Variants in ADARB2 observed in about 807,000 individuals in gnomAD.
ADARB2 encodes inactive double-stranded RNA-specific editase B2.
In ADARB2, 25 loss-of-function variants were observed where a neutral mutation model predicts 62.2. The observed-to-expected ratio is 0.40, with a 90% CI of 0.29 to 0.56. ADARB2 has a LOEUF of 0.56. ADARB2 is among the 20% of genes least tolerant of loss of function. The probability of loss-of-function intolerance (pLI) is 0.43; values close to 1 mark genes in which losing one functional copy is unlikely to be tolerated. For missense variants in ADARB2, 1,071 were observed against 1,077.4 expected (o/e 0.99, Z 0.08); for synonymous variants, 572 against 500.8 (o/e 1.14, Z -1.90).
At chr10:1,292,971 GGAGGGAAGGAGA>G (rs1239371803) in intron 3 of ADARB2, 1 of 17,356 alleles carries the variant, frequency 5.8e-5, no homozygotes, top group African/African-American at 1.1e-4. Flanking sequence ...AGAGGGAGAG[GGAGGGAAGGAGA>G]GAGAGAGGGA....
intron 7 of ADARB2, among the ~76,000 whole-genome samples, chr10:1,212,273 A>G (rs772229073): frequency 6.6e-6 from 1 of 152,254 alleles, no homozygotes; most frequent in Non-Finnish European, 1.5e-5. Context: ...GTCTCTCTGT[A>G]CAAATAATGC....
At chr10:1,304,529 T>C (rs1259284780) in intron 3 of ADARB2, among the ~76,000 whole-genome samples, 1 of 152,194 alleles carries the variant, frequency 6.6e-6, no homozygotes, top group African/African-American at 2.4e-5. Flanking sequence ...GCAGACCTAA[T>C]AGACATCTAC....
chr10:1,191,928 G>C (rs566881677), intron 8 of ADARB2, among the ~76,000 whole-genome samples: 2 of 151,516 alleles, frequency 1.3e-5, no homozygotes, highest in Non-Finnish European at 2.9e-5. Flanking sequence ...ACTCCTACCA[G>C]CACTGCTTCA....
intron 3 of ADARB2, among the ~76,000 whole-genome samples, chr10:1,351,358 G>A (rs569341354): frequency 6.6e-6 from 1 of 152,018 alleles, no homozygotes; most frequent in South Asian, 2.1e-4. Flanking sequence ...CTTTTCAAAG[G>A]CCTGTTTCCC....
At chr10:1,488,673 A>C (rs896667361) in intron 1 of ADARB2, among the ~76,000 whole-genome samples, 7 of 152,184 alleles carry the variant, frequency 4.6e-5, no homozygotes, top group Admixed American at 3.9e-4. Flanking sequence ...TGGCGAATGC[A>C]CGTCCGCTCC....
intron 1 of ADARB2, among the ~76,000 whole-genome samples, chr10:1,531,294 C>T (rs189055131): frequency 1.8e-4 from 28 of 152,304 alleles, no homozygotes; most frequent in Admixed American, 5.2e-4. Context: ...CAGGACAAAG[C>T]GAGTGTGCAG....
chr10:1,654,182 T>C (rs934574566), intron 1 of ADARB2, among the ~76,000 whole-genome samples: 11 of 152,192 alleles, frequency 7.2e-5, no homozygotes, highest in Non-Finnish European at 1.2e-4. Context: ...GTGAAATGAA[T>C]CTACCAATAC....
At chr10:1,264,101 C>G (rs1330524365) in intron 4 of ADARB2, among the ~76,000 whole-genome samples, 2 of 152,124 alleles carry the variant, frequency 1.3e-5, no homozygotes, top group Non-Finnish European at 2.9e-5. Flanking sequence ...AACAGACCCA[C>G]AGAGACACAG....
Position 1,717,690 on chromosome 10 carries a change from G to T in ADARB2, c.100+19361C>A, listed in dbSNP as rs571354016. ...CCTCCCGGGTTCAGGAGATTCTCCC[G>T]CCCCAGACTCCCGAGTAGCTGGGAC... On this transcript the variant is annotated intron_variant, in intron 1 of 9. Coordinates refer to ENST00000381312, the MANE Select transcript of ADARB2 (RefSeq NM_018702.4). 5.3e-5 allele frequency among the ~76,000 whole-genome samples: 8 copies of T among 151,804 alleles called. No individual in the cohort carries two copies. The East Asian group carries it at 1.4e-3, about 26-fold the overall frequency.
intron 1 of ADARB2, among the ~76,000 whole-genome samples, chr10:1,405,629 CAAAA>C (rs3029747): frequency 1.2e-4 from 10 of 86,912 alleles, no homozygotes; most frequent in African/African-American, 3.0e-4. Flanking sequence ...GATTCAGTCT[CAAAA>C]AAAAAAAAAA....
At chr10:1,514,549 G>T (rs1016647236) in intron 1 of ADARB2, among the ~76,000 whole-genome samples, 6 of 152,068 alleles carry the variant, frequency 3.9e-5, no homozygotes, top group African/African-American at 1.4e-4. Flanking sequence ...GATAGAACTT[G>T]GTTCCCTCCA....
rs544372145 is a variant in ADARB2 at position 1,536,354 on chromosome 10, C to T, written c.101-157194G>A. Among the ~76,000 whole-genome samples the T allele has an allele frequency of 5.7e-4, 87 of 152,350 alleles. 1 individual carries two copies. The highest frequency in any genetic ancestry group is 1.9e-3 in the African/African-American group (81 of 41,580). ...TGGATCTTGGTCTTTGGTTTCCAGC[C>T]TTGAGAACTGAGAAATAAACATTTA... is the stretch of plus-strand genomic sequence containing the variant. On this transcript the variant is annotated intron_variant, in intron 1 of 9. Coordinates refer to ENST00000381312, the MANE Select transcript of ADARB2 (RefSeq NM_018702.4).
At chr10:1,452,750 G>A (rs1564293262) in intron 1 of ADARB2, among the ~76,000 whole-genome samples, 1 of 151,152 alleles carries the variant, frequency 6.6e-6, no homozygotes, top group Admixed American at 6.6e-5. Flanking sequence ...TGTATACTGT[G>A]TAACAAATCT....
At chr10:1,451,618 C>T (rs1307983828) in intron 1 of ADARB2, among the ~76,000 whole-genome samples, 1 of 151,376 alleles carries the variant, frequency 6.6e-6, no homozygotes, top group South Asian at 2.1e-4. Context: ...GGAGGGGACA[C>T]ACCTTCCTGA....
chr10:1,691,752 A>G (rs970206335), intron 1 of ADARB2, among the ~76,000 whole-genome samples: 6 of 151,874 alleles, frequency 4.0e-5, no homozygotes, highest in Non-Finnish European at 5.9e-5. Flanking sequence ...ACCACCTCCC[A>G]CCACATCCCA....
intron 3 of ADARB2, among the ~76,000 whole-genome samples, chr10:1,315,221 C>A (rs996129637): frequency 6.6e-6 from 1 of 152,102 alleles, no homozygotes; most frequent in South Asian, 2.1e-4. Flanking sequence ...GAGGCAGCTC[C>A]GGAAGAGCCG....
chr10:1,372,082 T>A (rs1201746286), intron 2 of ADARB2, among the ~76,000 whole-genome samples: 1 of 152,102 alleles, frequency 6.6e-6, no homozygotes, highest in Non-Finnish European at 1.5e-5. Flanking sequence ...CAACAGTGGA[T>A]GAATAAAGAA....
intron 1 of ADARB2, among the ~76,000 whole-genome samples, chr10:1,548,837 G>A (rs1166383455): frequency 6.6e-6 from 1 of 152,248 alleles, no homozygotes; most frequent in Non-Finnish European, 1.5e-5. Context: ...CCTGGGAAGA[G>A]TTATTTTGTG....
intron 1 of ADARB2, among the ~76,000 whole-genome samples, chr10:1,594,002 G>T (rs993593926): frequency 6.6e-6 from 1 of 152,176 alleles, no homozygotes; most frequent in Non-Finnish European, 1.5e-5. Context: ...TTAAAAACAA[G>T]TCTGTGAGGC....
Sources: allele counts gnomAD v4.1 joint callset (sites outside exome capture counted in the v4.1 genomes callset), GRCh38; gene constraint gnomAD v4.1.1; transcripts MANE v1.5; gene names NCBI Gene and HGNC (gene_info 2026-07-23, HGNC 2026-07-21).